The following EFCC1 variants were observed in gnomAD, a reference collection of about 807,000 sequenced individuals.
EFCC1 encodes EF-hand and coiled-coil domain-containing protein 1.
Under a neutral mutation model 52.1 loss-of-function variants are expected in EFCC1, and 50 were observed. The ratio of observed to expected loss-of-function variants is 0.96; its 90% CI spans 0.76 to 1.21. The LOEUF (loss-of-function observed/expected upper bound fraction) is 1.21, where lower values mean the gene tolerates loss of function less well. EFCC1 is among the 50% of genes most tolerant of loss of function. The probability of loss-of-function intolerance (pLI) is 0.00; values close to 1 mark genes in which losing one functional copy is unlikely to be tolerated. For synonymous variants in EFCC1, 399 were observed against 396.5 expected, an observed-to-expected ratio of 1.01 and a Z score of -0.08; for missense variants, 837 against 867.3, an observed-to-expected ratio of 0.97 and a Z score of 0.44.
Position 129,001,617 on chromosome 3 carries a change from C to G in EFCC1, c.-12C>G. 7.4e-7 allele frequency: 1 copy of G among 1,351,292 alleles called. No homozygotes were observed. The highest frequency in any genetic ancestry group is 1.8e-5 in the South Asian group (1 of 54,760). 83.7% of individuals were successfully genotyped at this position (1,351,292 alleles called of 1,614,324 possible). On this transcript the variant is annotated 5_prime_UTR_variant, in exon 1 of 8. Transcript: ENST00000683648. ...GAGGAGGGACCGGAGGAGCGAGGCGCGCGGCGCAGCGATGGAGCCGGTCAG... is the reference window on the plus strand; with the variant it reads ...GAGGAGGGACCGGAGGAGCGAGGCGGGCGGCGCAGCGATGGAGCCGGTCAG...
intron 2 of EFCC1, among the ~76,000 whole-genome samples, chr3:129,016,815 T>C (rs988722371): frequency 1.3e-5 from 2 of 152,180 alleles, no homozygotes; most frequent in Admixed American, 6.5e-5. Flanking sequence ...CTAAGGACTT[T>C]ATCTGTACAA....
chr3:129,001,654 A>AG lies in EFCC1; in HGVS notation c.28dup (p.Ala10GlyfsTer9). On this transcript the variant is annotated frameshift_variant, in exon 1 of 8. Transcript: ENST00000683648. LOFTEE classifies it high-confidence loss of function. The stretch of plus-strand genomic sequence containing the variant: ...ATGGAGCCGGTCAGCACGGGCGCGG[A>AG]GGCCGGCATGGAGGGCGCGGGAGGT... The AG allele has an allele frequency of 7.2e-7, 1 of 1,393,910 alleles. No homozygotes were observed. The highest frequency in any genetic ancestry group is 9.3e-7 in the Non-Finnish European group (1 of 1,077,776). The allele number at this position is 1,393,910 out of a possible 1,614,324, so 86.3% of individuals were successfully genotyped here.
At chr3:129,022,875 G>T (rs1375190763) in intron 2 of EFCC1, among the ~76,000 whole-genome samples, 1 of 152,224 alleles carries the variant, frequency 6.6e-6, no homozygotes, top group Non-Finnish European at 1.5e-5. Context: ...GAAAGCACAG[G>T]GCAGGGAGGT....
At chr3:129,036,920 C>T (rs922206514) in intron 5 of EFCC1, 57 bp from the exon 6 acceptor site, 1 of 1,610,738 alleles carries the variant, frequency 6.2e-7, no homozygotes, top group Non-Finnish European at 8.5e-7. Context: ...TTGATCCTGC[C>T]ACCTGGAAGG....
At chr3:129,020,203 A>G (rs894948631) in intron 2 of EFCC1, among the ~76,000 whole-genome samples, 1 of 152,180 alleles carries the variant, frequency 6.6e-6, no homozygotes, top group South Asian at 2.1e-4. Flanking sequence ...AGAAACAGAA[A>G]AGGAAAGATG....
chr3:129,023,570 G>A (rs1190141599), intron 2 of EFCC1, among the ~76,000 whole-genome samples: 1 of 152,176 alleles, frequency 6.6e-6, no homozygotes, highest in East Asian at 1.9e-4. Context: ...CTGACCTCAT[G>A]ATCCACCCGC....
At chr3:129,017,145 G>C (rs1348302613) in intron 2 of EFCC1, among the ~76,000 whole-genome samples, 1 of 152,138 alleles carries the variant, frequency 6.6e-6, no homozygotes, top group Non-Finnish European at 1.5e-5. Context: ...ACCTCTCTTT[G>C]GCCAGAATTG....
At position 129,003,857 on chromosome 3, in the gene EFCC1, G is replaced by T; in HGVS notation, c.760G>T (p.Val254Leu). The T allele has an allele frequency of 6.9e-7, 1 of 1,445,326 alleles. No individual in the cohort carries two copies. Among genetic ancestry groups the T allele is most frequent in the Non-Finnish European group, 9.1e-7 (1 of 1,101,932 alleles). The allele number at this position is 1,445,326 out of a possible 1,614,324, so 89.5% of individuals were successfully genotyped here. A position where few individuals can be genotyped will look rare whatever the true frequency, so the allele number is the denominator to read the frequency against. The change falls in exon 2 of 8, where the codon GTG becomes TTG. Residue 254 changes from valine (V) to leucine (L), a missense_variant. Coordinates refer to ENST00000683648, the MANE Select transcript of EFCC1 (RefSeq NM_001377500.1). Reference sequence around the variant, plus strand: ...GGGGCACGGCGGGCCGGAGGCTGCGGTGCGGGAGCTGCGTCAGGCGCAGGG... The same window carrying T: ...GGGGCACGGCGGGCCGGAGGCTGCGTTGCGGGAGCTGCGTCAGGCGCAGGG... ...EMGHGGPEAA[V>L]RELRQAQGAL...
chr3:129,029,989 A>G (rs1316416276), intron 2 of EFCC1, among the ~76,000 whole-genome samples: 1 of 151,974 alleles, frequency 6.6e-6, no homozygotes, highest in African/African-American at 2.4e-5. Flanking sequence ...GTTCGAGACC[A>G]GCGGAAGCAA....
chr3:129,038,230 G>A (rs1946380949), intron 6 of EFCC1, among the ~76,000 whole-genome samples: 1 of 152,196 alleles, frequency 6.6e-6, no homozygotes, highest in Admixed American at 6.5e-5. Flanking sequence ...GAAGTGGGCT[G>A]TGCCCTGTGC....
intron 2 of EFCC1, among the ~76,000 whole-genome samples, chr3:129,009,519 C>T (rs572771452): frequency 6.6e-5 from 10 of 152,274 alleles, no homozygotes; most frequent in Middle Eastern, 6.8e-3. Context: ...CATGTTCATC[C>T]CTGAATTCAT....
At position 129,037,119 on chromosome 3, in the gene EFCC1, T is replaced by C. The variant is rs535203175; in HGVS notation, c.1593+2T>C. 2.6e-5 allele frequency: 42 copies of C among 1,601,724 alleles called. No individual in the cohort carries two copies. The East Asian group carries it at 9.2e-4, about 35-fold the overall frequency. ...CTCCTGCAGAGGCTCCGGGACCTGG[T>C]AGGCTCACGGGAGAGCTGCCACACT... On this transcript the variant is annotated splice_donor_variant, in intron 6 of 7. Coordinates refer to ENST00000683648, the MANE Select transcript of EFCC1 (RefSeq NM_001377500.1). LOFTEE classifies it high-confidence loss of function.
At chr3:129,005,789 GC>G (rs1945049214) in intron 2 of EFCC1, among the ~76,000 whole-genome samples, 1 of 152,270 alleles carries the variant, frequency 6.6e-6, no homozygotes, top group Admixed American at 6.5e-5. Context: ...CAGACTCTGG[GC>G]CAGCCTCCTG....
Position 129,016,983 on chromosome 3 carries a change from A to G in EFCC1, c.980+12906A>G, listed in dbSNP as rs145088691. 6.7e-4 allele frequency among the ~76,000 whole-genome samples: 102 copies of G among 151,916 alleles called. 1 individual carries two copies. Among genetic ancestry groups the G allele is most frequent in the African/African-American group, 2.3e-3 (96 of 41,534 alleles). On this transcript the variant is annotated intron_variant, in intron 2 of 7. Transcript: ENST00000683648. ...GAGAGCAGTTCCTTGGCAGTTCAGTAAAGTTTTCAAGGACCTGATTCATCT... is the reference window on the plus strand; with the variant it reads ...GAGAGCAGTTCCTTGGCAGTTCAGTGAAGTTTTCAAGGACCTGATTCATCT...
At chr3:129,018,192 G>T (rs1160103124) in intron 2 of EFCC1, among the ~76,000 whole-genome samples, 1 of 152,202 alleles carries the variant, frequency 6.6e-6, no homozygotes, top group Non-Finnish European at 1.5e-5. Flanking sequence ...TGAGACCTCA[G>T]TTCTCCAGGC....
intron 5 of EFCC1, among the ~76,000 whole-genome samples, chr3:129,034,599 C>T (rs1946333423): frequency 6.6e-6 from 1 of 152,196 alleles, no homozygotes; most frequent in African/African-American, 2.4e-5. Context: ...CAGCTGGGTC[C>T]AGGGACTCAG....
intron 7 of EFCC1, 25 bp from the exon 8 acceptor site, chr3:129,039,687 C>G: frequency 6.4e-7 from 1 of 1,574,284 alleles, no homozygotes; most frequent in Non-Finnish European, 8.7e-7. Flanking sequence ...TGATCCTGCC[C>G]TCCCTGCCTG....
chr3:129,009,374 G>A (rs1945216784), intron 2 of EFCC1, among the ~76,000 whole-genome samples: 1 of 152,104 alleles, frequency 6.6e-6, no homozygotes, highest in Non-Finnish European at 1.5e-5. Flanking sequence ...TTACTCTCTG[G>A]CAAATTCTCT....
chr3:129,026,452 C>T (rs1202714896), intron 2 of EFCC1, among the ~76,000 whole-genome samples: 2 of 152,208 alleles, frequency 1.3e-5, no homozygotes, highest in Non-Finnish European at 2.9e-5. Flanking sequence ...CCGCTGAAGT[C>T]CCTTACCTGC....
Sources: allele counts gnomAD v4.1 joint callset (sites outside exome capture counted in the v4.1 genomes callset), GRCh38; gene constraint gnomAD v4.1.1; transcripts MANE v1.5; gene names NCBI Gene and HGNC (gene_info 2026-07-23, HGNC 2026-07-21).